Variants in DGKH observed in about 807,000 individuals in gnomAD.
DGKH encodes DAG kinase eta.
A neutral mutation model predicts 159.3 loss-of-function variants in DGKH; 90 were observed. That is an observed-to-expected ratio of 0.57 (90% CI 0.48 to 0.67). The LOEUF (loss-of-function observed/expected upper bound fraction) is 0.67. Ranked by LOEUF, DGKH falls within the 30% of genes least tolerant of loss-of-function variation. The pLI is 0.00. For synonymous variants in DGKH, 536 were observed against 553.8 expected (o/e 0.97, Z 0.45); for missense variants, 1,181 against 1,506.1 (o/e 0.78, Z 3.57).
At chr13:42,049,224 G>T (rs939960941) in intron 1 of DGKH, among the ~76,000 whole-genome samples, 8 of 151,470 alleles carry the variant, frequency 5.3e-5, no homozygotes, top group Non-Finnish European at 1.0e-4. Context: ...GGACCGCGGT[G>T]CTGCGGGACG....
chr13:42,048,837 G>A lies in DGKH; in HGVS notation c.64G>A (p.Gly22Ser). Reference sequence around the variant, plus strand: ...CGCTGGAGGAGCGGCCGCCGGAGCCGGCGCCGCGGTCACCTCCGCCGCTGC... The same window carrying A: ...CGCTGGAGGAGCGGCCGCCGGAGCCAGCGCCGCGGTCACCTCCGCCGCTGC... ...GAAGGAAAGA[G>S]AAVTSAAASA... Residue 22 changes from glycine (G) to serine (S), a missense_variant, in exon 1 of 30, where the codon GGC (glycine) becomes AGC (serine). Physicochemically the swap from Gly to Ser is moderately conservative, Grantham distance 56 (BLOSUM62 0). Coordinates refer to ENST00000337343, the MANE Select transcript of DGKH (RefSeq NM_178009.5). This position sits in a 1 kb window ranked among gnomAD's most constrained non-coding sequence, Gnocchi z 6.7. 2 of 1,349,500 alleles carry A rather than the reference G, an allele frequency of 1.5e-6. No individual in the cohort carries two copies. The highest frequency in any genetic ancestry group is 1.9e-6 in the Non-Finnish European group (2 of 1,048,148). 83.6% of individuals were successfully genotyped at this position (1,349,500 alleles called of 1,614,324 possible).
At chr13:42,151,439 C>T (rs1457885062) in intron 3 of DGKH, among the ~76,000 whole-genome samples, 1 of 148,070 alleles carries the variant, frequency 6.8e-6, no homozygotes, top group African/African-American at 2.5e-5. Context: ...CTGCAGAAGA[C>T]ATGATTTTAT....
intron 20 of DGKH, among the ~76,000 whole-genome samples, chr13:42,201,179 C>T (rs916704198): frequency 1.3e-5 from 2 of 151,842 alleles, no homozygotes; most frequent in African/African-American, 4.8e-5. Flanking sequence ...TTTCAGTATA[C>T]ATGGGGTTTC....
intron 29 of DGKH, among the ~76,000 whole-genome samples, chr13:42,227,448 G>A (rs1373810313): frequency 2.0e-5 from 3 of 152,004 alleles, no homozygotes; most frequent in African/African-American, 7.2e-5. Context: ...ATATTTTGTA[G>A]TTGCATACCT....
In DGKH at chr13:42,189,166, A is replaced by T. The variant is rs1161834168; in HGVS notation, c.1769A>T (p.Glu590Val). The T allele has an allele frequency of 2.5e-6, 4 of 1,614,246 alleles. No individual in the cohort carries two copies. The highest frequency in any genetic ancestry group is 3.4e-6 in the Non-Finnish European group (4 of 1,180,034). ...GATGCTGTGGAATCGTCCAGTGAAG[A>T]GTCCCTGGGTGAAAGCAAAGAGCAG... ...EEDAVESSSE[E>V]SLGESKEQLG... The change falls in exon 15 of 30, where the codon GAG becomes GTG. Residue 590 changes from glutamate to valine, a missense_variant. Around this residue, in one of 5 missense-constraint regions of DGKH, gnomAD observed 257 missense variants for 281.5 expected, o/e 0.91. Transcript: ENST00000337343.
intron 20 of DGKH, among the ~76,000 whole-genome samples, chr13:42,200,801 G>C (rs1594195738): frequency 1.3e-5 from 2 of 152,004 alleles, no homozygotes; most frequent in South Asian, 4.2e-4. Flanking sequence ...ATGATCAGCT[G>C]GTTTGATTTA....
chr13:42,057,888 G>T (rs2137658716), intron 1 of DGKH, among the ~76,000 whole-genome samples: 1 of 152,262 alleles, frequency 6.6e-6, no homozygotes, highest in East Asian at 1.9e-4. Context: ...GGACCTCTGG[G>T]TGAAGAGCAG....
At chr13:42,182,380 TAC>T (rs1956787751) in intron 13 of DGKH, among the ~76,000 whole-genome samples, 1 of 152,238 alleles carries the variant, frequency 6.6e-6, no homozygotes, top group South Asian at 2.1e-4. Flanking sequence ...ATTATTCTAC[TAC>T]ACTTTTGGTA....
At chr13:42,254,685 G>A (rs1958644687) in intron 30 of DGKH, among the ~76,000 whole-genome samples, 1 of 151,822 alleles carries the variant, frequency 6.6e-6, no homozygotes, top group South Asian at 2.1e-4. Flanking sequence ...GTTTGGCATG[G>A]AAACAATATA....
chr13:42,221,427 T>G, intron 29 of DGKH, 33 bp downstream of exon 29: 1 of 1,607,914 alleles, frequency 6.2e-7, no homozygotes, highest in Non-Finnish European at 8.5e-7. Context: ...TTCTTGAAAA[T>G]TTTATTGCAA....
intron 17 of DGKH, among the ~76,000 whole-genome samples, chr13:42,197,382 T>G (rs925216917): frequency 2.6e-5 from 4 of 151,996 alleles, no homozygotes; most frequent in Non-Finnish European, 4.4e-5. Context: ...TTTACTTGTT[T>G]AGACATAAGG....
intron 3 of DGKH, among the ~76,000 whole-genome samples, chr13:42,154,761 C>G (rs1055425118): frequency 6.6e-6 from 1 of 151,826 alleles, no homozygotes; most frequent in African/African-American, 2.4e-5. Context: ...AATTAGGTGG[C>G]CGGGCGCAGT....
Position 42,239,907 on chromosome 13 carries a change from C to G in DGKH, c.*10719C>G, listed in dbSNP as rs1958485434. The G allele has an allele frequency of 6.6e-6, 1 of 152,182 alleles. No individual in the cohort carries two copies. Among genetic ancestry groups the G allele is most frequent in the African/African-American group, 2.4e-5 (1 of 41,450 alleles). The allele number at this position is 152,182 out of a possible 1,614,324, so 9.4% of individuals were successfully genotyped here. ...TTTGGAACTACTTATGACTTAGTGCCTTGGCATAATCACATGCCATAGATG... is the reference window on the plus strand; with the variant it reads ...TTTGGAACTACTTATGACTTAGTGCGTTGGCATAATCACATGCCATAGATG... On this transcript the variant is annotated 3_prime_UTR_variant, in exon 30 of 30. Coordinates refer to ENST00000337343, the MANE Select transcript of DGKH (RefSeq NM_178009.5).
chr13:42,213,520 G>GAAGAAA (rs1357199644), intron 24 of DGKH, among the ~76,000 whole-genome samples: 2 of 152,128 alleles, frequency 1.3e-5, no homozygotes. Context: ...ATCCATCTCT[G>GAAGAAA]TTCTTCTGAA....
chr13:42,048,292 C>T (rs1312623650), upstream of DGKH, among the ~76,000 whole-genome samples: 1 of 151,852 alleles, frequency 6.6e-6, no homozygotes, highest in Non-Finnish European at 1.5e-5. The surrounding 1 kb of genome is among the most constrained non-coding windows in gnomAD (Gnocchi z 6.7). Flanking sequence ...GGTTCCCATT[C>T]TTCCCCAGGG....
rs1025698821 is a variant in DGKH at position 42,062,675 on chromosome 13, C to G, written c.192+13710C>G. 8.5e-5 allele frequency among the ~76,000 whole-genome samples: 13 copies of G among 152,282 alleles called. No homozygotes were observed. The East Asian group carries it at 2.1e-3, about 25-fold the overall frequency. The stretch of plus-strand genomic sequence containing the variant: ...GGGAGGTGTCCTTATGATGTCCTCC[C>G]TTGTGAGGTCAGGACATAATCCAGA... On this transcript the variant is annotated intron_variant, in intron 1 of 29. Transcript: ENST00000337343.
At chr13:42,188,424 G>A (rs1390385277) in intron 14 of DGKH, among the ~76,000 whole-genome samples, 5 of 152,070 alleles carry the variant, frequency 3.3e-5, no homozygotes, top group African/African-American at 1.2e-4. Flanking sequence ...TTTCCTTCCT[G>A]CACTTTCTTT....
intron 1 of DGKH, among the ~76,000 whole-genome samples, chr13:42,079,257 A>G (rs1163974507): frequency 6.6e-6 from 1 of 152,068 alleles, no homozygotes; most frequent in South Asian, 2.1e-4. Context: ...AAAGTTATGG[A>G]GTATATGCAC....
At position 42,242,089 on chromosome 13, in the gene DGKH, T is replaced by C. The variant is rs1026682668; in HGVS notation, c.*12901T>C. On this transcript the variant is annotated 3_prime_UTR_variant, in exon 30 of 30. Transcript: ENST00000337343. ...TACAGCTTTACTCTTTGTTTGACTT[T>C]GTACAAGGTCCACAAAAGGAGGAGG... 1 of 152,226 alleles carries C rather than the reference T, an allele frequency of 6.6e-6. No individual in the cohort carries two copies. The highest frequency in any genetic ancestry group is 1.5e-5 in the Non-Finnish European group (1 of 68,024). The allele number at this position is 152,226 out of a possible 1,614,324, so 9.4% of individuals were successfully genotyped here.
Sources: gnomAD v4.1 joint callset for allele counts (sites outside exome capture counted in the v4.1 genomes callset) on GRCh38, gnomAD v4.1.1 for gene constraint, gnomAD v4.1.1 regional missense constraint, Gnocchi (gnomAD v3.1) non-coding constraint, MANE v1.5 for transcripts, NCBI Gene and HGNC (gene_info 2026-07-23, HGNC 2026-07-21) for gene names.